The following GABRG3 variants were observed in gnomAD, a reference collection of about 807,000 sequenced individuals.
GABRG3 encodes gamma-aminobutyric acid receptor subunit gamma-3.
GABRG3 carries 25 observed loss-of-function variants against 48.8 expected under a neutral mutation model. That is an observed-to-expected ratio of 0.51 (90% CI 0.37 to 0.72). GABRG3 has a LOEUF of 0.72. Ranked by LOEUF, GABRG3 falls within the 30% of genes least tolerant of loss-of-function variation. The pLI, the probability that GABRG3 is intolerant of heterozygous loss-of-function variation, is 0.00. For synonymous variants in GABRG3, 227 were observed against 217.6 expected, an observed-to-expected ratio of 1.04 and a Z score of -0.38; for missense variants, 394 against 577.9, an observed-to-expected ratio of 0.68 and a Z score of 3.26.
At chr15:27,307,335 C>G (rs182931467) in intron 3 of GABRG3, among the ~76,000 whole-genome samples, 1 of 106,186 alleles carries the variant, frequency 9.4e-6, no homozygotes, top group East Asian at 2.6e-4. Flanking sequence ...TTATATATAA[C>G]CATAGGTTTA....
At chr15:27,153,199 G>C (rs1459960870) in intron 3 of GABRG3, among the ~76,000 whole-genome samples, 1 of 152,116 alleles carries the variant, frequency 6.6e-6, no homozygotes, top group African/African-American at 2.4e-5. Flanking sequence ...TGTAAGTCAA[G>C]GTTCACATTT....
At chr15:27,072,091 C>T (rs764397860) in intron 3 of GABRG3, among the ~76,000 whole-genome samples, 11 of 152,178 alleles carry the variant, frequency 7.2e-5, no homozygotes, top group African/African-American at 2.4e-4. Context: ...AAGAGCCTTT[C>T]GAAGTACCCC....
intron 5 of GABRG3, among the ~76,000 whole-genome samples, chr15:27,452,638 GA>G (rs1889144445): frequency 6.6e-6 from 1 of 152,346 alleles, no homozygotes; most frequent in African/African-American, 2.4e-5. Context: ...GATCATCATA[GA>G]GGTCTTCATC....
At chr15:27,525,497 T>TA (rs1275117956) in intron 7 of GABRG3, among the ~76,000 whole-genome samples, 1 of 152,092 alleles carries the variant, frequency 6.6e-6, no homozygotes, top group East Asian at 1.9e-4. Flanking sequence ...GCCTAAGGTT[T>TA]ATTTTTCTTC....
intron 3 of GABRG3, among the ~76,000 whole-genome samples, chr15:27,156,168 G>A (rs1331400482): frequency 1.3e-5 from 2 of 151,494 alleles, no homozygotes; most frequent in South Asian, 2.1e-4. Context: ...GTGTGGTGGT[G>A]GGCGCCAGTA....
At chr15:27,464,270 C>T (rs915869921) in intron 5 of GABRG3, among the ~76,000 whole-genome samples, 3 of 152,146 alleles carry the variant, frequency 2.0e-5, no homozygotes, top group African/African-American at 4.8e-5. Context: ...CTCCCTATCC[C>T]CTTCCTCCCA....
At chr15:27,214,181 A>C (rs1220887437) in intron 3 of GABRG3, among the ~76,000 whole-genome samples, 1 of 152,174 alleles carries the variant, frequency 6.6e-6, no homozygotes, top group African/African-American at 2.4e-5. Context: ...TGAAGACAGA[A>C]GGCATTGTTA....
chr15:27,286,240 T>G (rs1891607393), intron 3 of GABRG3, among the ~76,000 whole-genome samples: 1 of 152,184 alleles, frequency 6.6e-6, no homozygotes, highest in Non-Finnish European at 1.5e-5. Context: ...CAGGGCACTG[T>G]TTGACTTGCT....
intron 3 of GABRG3, among the ~76,000 whole-genome samples, chr15:27,210,468 A>C (rs146208781): frequency 6.6e-6 from 1 of 152,306 alleles, no homozygotes; most frequent in Non-Finnish European, 1.5e-5. Context: ...TCCATCACAC[A>C]CGCGCACCTG....
At chr15:27,194,469 G>A (rs1172567387) in intron 3 of GABRG3, among the ~76,000 whole-genome samples, 3 of 152,148 alleles carry the variant, frequency 2.0e-5, no homozygotes. Context: ...AAATTTGCTT[G>A]ATAGTTCTTT....
chr15:27,243,210 G>A (rs1890180034), intron 3 of GABRG3, among the ~76,000 whole-genome samples: 1 of 152,144 alleles, frequency 6.6e-6, no homozygotes, highest in African/African-American at 2.4e-5. Context: ...CTAGGTAAGA[G>A]GCAGGGTGTG....
chr15:27,160,066 C>T (rs1887118735), intron 3 of GABRG3, among the ~76,000 whole-genome samples: 2 of 152,182 alleles, frequency 1.3e-5, no homozygotes, highest in Non-Finnish European at 2.9e-5. Context: ...GCAAGACCCT[C>T]CTGCTCTTTC....
chr15:27,013,780 A>T (rs1390830537), intron 2 of GABRG3, among the ~76,000 whole-genome samples: 1 of 152,030 alleles, frequency 6.6e-6, no homozygotes. Context: ...AAGTTTTTGA[A>T]ATAGGAAGTT....
intron 6 of GABRG3, among the ~76,000 whole-genome samples, chr15:27,508,740 G>C (rs1426587387): frequency 6.6e-6 from 1 of 151,790 alleles, no homozygotes; most frequent in Non-Finnish European, 1.5e-5. Context: ...TTGAGATGGA[G>C]TCTCGCTCCA....
intron 3 of GABRG3, among the ~76,000 whole-genome samples, chr15:27,178,318 A>G (rs1887812965): frequency 6.6e-6 from 1 of 152,220 alleles, no homozygotes; most frequent in Non-Finnish European, 1.5e-5. Flanking sequence ...CTCCTTAACA[A>G]CTGTGATGTG....
chr15:27,409,581 A>C lies in GABRG3; in HGVS notation c.575-71069A>C, dbSNP rs749185980. Among the ~76,000 whole-genome samples the C allele has an allele frequency of 2.6e-5, 4 of 152,140 alleles. No individual in the cohort carries two copies. The South Asian group carries it at 8.3e-4, about 31-fold the overall frequency. Reference sequence around the variant, plus strand: ...TTGTTTTAGCTAGTCAAATTCCTCTACCTTTCCATATAACTTTTGGAATAG... The same window carrying C: ...TTGTTTTAGCTAGTCAAATTCCTCTCCCTTTCCATATAACTTTTGGAATAG... On this transcript the variant is annotated intron_variant, in intron 5 of 9. Transcript: ENST00000615808.
chr15:27,013,891 C>G (rs1032221070), intron 2 of GABRG3, among the ~76,000 whole-genome samples: 1 of 151,886 alleles, frequency 6.6e-6, no homozygotes, highest in African/African-American at 2.4e-5. Context: ...CTATTTCTGC[C>G]AAAAATGCAG....
At chr15:27,208,916 C>T (rs1251391302) in intron 3 of GABRG3, among the ~76,000 whole-genome samples, 1 of 152,172 alleles carries the variant, frequency 6.6e-6, no homozygotes, top group Non-Finnish European at 1.5e-5. Context: ...CCTGGCCACA[C>T]ATATAATTTC....
chr15:27,157,302 C>T (rs1002877026), intron 3 of GABRG3, among the ~76,000 whole-genome samples: 3 of 152,106 alleles, frequency 2.0e-5, no homozygotes, highest in Middle Eastern at 3.2e-3. Context: ...GTTTTATTCC[C>T]ATGTGATAGT....
Sources: allele counts gnomAD v4.1 joint callset (sites outside exome capture counted in the v4.1 genomes callset), GRCh38; gene constraint gnomAD v4.1.1; transcripts MANE v1.5; gene names NCBI Gene and HGNC (gene_info 2026-07-23, HGNC 2026-07-21).